SMIM36: variants seen among roughly 807,000 people sequenced by gnomAD.
The protein encoded by SMIM36 is small integral membrane protein 36.
At chr17:55,521,530 C>A in the SMIM36 span, among the ~76,000 whole-genome samples, 8 of 152,136 alleles carry the variant, frequency 5.3e-5, no homozygotes, top group African/African-American at 1.9e-4. Flanking sequence ...CTTTTTATAA[C>A]CTGTGATTAG....
the SMIM36 span, among the ~76,000 whole-genome samples, chr17:55,519,343 G>T: frequency 6.6e-6 from 1 of 152,238 alleles, no homozygotes; most frequent in East Asian, 1.9e-4. Flanking sequence ...GGTAAGGAGG[G>T]ATATGAGGGC....
At chr17:55,491,783 T>G (rs776766002) in intron 1 of SMIM36, among the ~76,000 whole-genome samples, 1 of 152,138 alleles carries the variant, frequency 6.6e-6, no homozygotes, top group Non-Finnish European at 1.5e-5. Flanking sequence ...AGAACAGAAA[T>G]AAAGGTGCCT....
the SMIM36 span, among the ~76,000 whole-genome samples, chr17:55,529,012 A>G: frequency 6.6e-6 from 1 of 152,220 alleles, no homozygotes; most frequent in African/African-American, 2.4e-5. Context: ...TGCCTGTGTG[A>G]CATTGGATAA....
intron 1 of SMIM36, among the ~76,000 whole-genome samples, chr17:55,486,232 T>A (rs1909606776): frequency 6.6e-6 from 1 of 151,918 alleles, no homozygotes; most frequent in South Asian, 2.1e-4. Context: ...AGAGACAGGG[T>A]TTCACCATGT....
At chr17:55,473,397 C>T (rs1023953488) in intron 3 of SMIM36, among the ~76,000 whole-genome samples, 2 of 152,136 alleles carry the variant, frequency 1.3e-5, no homozygotes, top group Non-Finnish European at 2.9e-5. Flanking sequence ...GATGGGTCGA[C>T]GCCTTTCCCA....
intron 1 of SMIM36, among the ~76,000 whole-genome samples, chr17:55,498,418 A>T (rs1469338799): frequency 2.0e-5 from 3 of 151,972 alleles, no homozygotes; most frequent in Non-Finnish European, 4.4e-5. Context: ...ACCCCCATAA[A>T]TGTGTCTAAA....
intron 3 of SMIM36, among the ~76,000 whole-genome samples, chr17:55,475,278 A>G (rs1303961621): frequency 6.6e-6 from 1 of 152,010 alleles, no homozygotes; most frequent in African/African-American, 2.4e-5. Flanking sequence ...TCCCCAATCC[A>G]CCACTCTTGA....
intron 4 of SMIM36, among the ~76,000 whole-genome samples, chr17:55,466,852 G>GT (rs1251437863): frequency 1.3e-5 from 2 of 152,184 alleles, no homozygotes; most frequent in African/African-American, 4.8e-5. Flanking sequence ...GTTCTTTTGC[G>GT]TAAGTCCAAC....
chr17:55,499,338 G>C (rs1169688178), intron 1 of SMIM36, among the ~76,000 whole-genome samples: 1 of 152,108 alleles, frequency 6.6e-6, no homozygotes, highest in African/African-American at 2.4e-5. Context: ...CTCTTTAATA[G>C]CTGTGAAAAA....
chr17:55,530,815 TTGGA>T, the SMIM36 span, among the ~76,000 whole-genome samples: 10 of 152,050 alleles, frequency 6.6e-5, no homozygotes. Context: ...AAGGAATTGC[TTGGA>T]TGTAGAAATT....
chr17:55,478,450 G>A (rs186064923), intron 3 of SMIM36, among the ~76,000 whole-genome samples: 2 of 152,092 alleles, frequency 1.3e-5, no homozygotes, highest in East Asian at 1.9e-4. Context: ...GGCTGATCTC[G>A]AACTCCTGGG....
intron 1 of SMIM36, among the ~76,000 whole-genome samples, chr17:55,483,849 A>T (rs1909561167): frequency 6.6e-6 from 1 of 151,984 alleles, no homozygotes; most frequent in African/African-American, 2.4e-5. Context: ...GTTGGTCTTA[A>T]ACTCCTAACC....
the SMIM36 span, among the ~76,000 whole-genome samples, chr17:55,516,884 T>A: frequency 2.0e-5 from 3 of 152,104 alleles, no homozygotes; most frequent in African/African-American, 7.2e-5. Context: ...TGAGGAAGAT[T>A]TGAAAAAGGA....
chr17:55,493,804 CTCTCAA>C (rs1909757796), intron 1 of SMIM36, among the ~76,000 whole-genome samples: 1 of 88,272 alleles, frequency 1.1e-5, no homozygotes, highest in African/African-American at 5.6e-5. Context: ...AGCTCTCTCT[CTCTCAA>C]AAAAAAAAAA....
intron 4 of SMIM36, among the ~76,000 whole-genome samples, chr17:55,459,061 A>AT (rs2143235719): frequency 6.6e-6 from 1 of 152,256 alleles, no homozygotes; most frequent in South Asian, 2.1e-4. Flanking sequence ...ATTCACCCCT[A>AT]TACACTACTA....
the SMIM36 span, among the ~76,000 whole-genome samples, chr17:55,526,424 G>T: frequency 6.6e-6 from 1 of 152,112 alleles, no homozygotes; most frequent in Non-Finnish European, 1.5e-5. Flanking sequence ...CTCCCAAAGT[G>T]CTGGGATTAC....
intron 1 of SMIM36, among the ~76,000 whole-genome samples, chr17:55,499,504 T>C (rs1426661792): frequency 6.6e-6 from 1 of 152,172 alleles, no homozygotes; most frequent in African/African-American, 2.4e-5. Flanking sequence ...CAGGGGAGCA[T>C]GAGGATTAAA....
chr17:55,497,952 G>C (rs771587701), intron 1 of SMIM36, among the ~76,000 whole-genome samples: 4 of 152,144 alleles, frequency 2.6e-5, no homozygotes, highest in Non-Finnish European at 4.4e-5. Flanking sequence ...TCCTAACAAA[G>C]TACTGCAAAC....
intron 1 of SMIM36, among the ~76,000 whole-genome samples, chr17:55,483,291 T>C (rs1909550293): frequency 6.6e-6 from 1 of 152,184 alleles, no homozygotes; most frequent in Non-Finnish European, 1.5e-5. Context: ...TTCTACCACT[T>C]TTTGCATTTT....
Sources: gnomAD v4.1 joint callset for allele counts (sites outside exome capture counted in the v4.1 genomes callset) on GRCh38, gnomAD v4.1.1 for gene constraint, MANE v1.5 for transcripts, NCBI Gene and HGNC (gene_info 2026-07-23, HGNC 2026-07-21) for gene names.